TTC28: variants seen among roughly 807,000 people sequenced by gnomAD.
TTC28 encodes the protein tetratricopeptide repeat domain 28, also known as tetratricopeptide repeat protein 28.
Under a neutral mutation model 198.0 loss-of-function variants are expected in TTC28, and 61 were observed. That is an observed-to-expected ratio of 0.31 (90% CI 0.25 to 0.38). The LOEUF (loss-of-function observed/expected upper bound fraction) is 0.38, where lower values mean the gene tolerates loss of function less well. Ranked by LOEUF, TTC28 falls within the 10% of genes least tolerant of loss-of-function variation. The pLI, the probability that TTC28 is intolerant of heterozygous loss-of-function variation, is 1.00. For synonymous variants in TTC28, 1,171 were observed against 1,297.8 expected (o/e 0.90, Z 2.10); for missense variants, 2,678 against 3,164.0 (o/e 0.85, Z 3.69).
At chr22:28,575,095 T>C (rs980354092) in intron 2 of TTC28, among the ~76,000 whole-genome samples, 4 of 152,182 alleles carry the variant, frequency 2.6e-5, no homozygotes, top group African/African-American at 9.6e-5. Context: ...TGAAGAAATA[T>C]TTGCCCACTC....
intron 2 of TTC28, among the ~76,000 whole-genome samples, chr22:28,521,236 C>CA (rs879645384): frequency 5.8e-4 from 82 of 141,088 alleles, no homozygotes; most frequent in South Asian, 3.2e-3. Flanking sequence ...CTATCTCTAC[C>CA]AAAAAAAAAA....
At chr22:28,273,844 G>A (rs1174255910) in intron 5 of TTC28, among the ~76,000 whole-genome samples, 1 of 152,078 alleles carries the variant, frequency 6.6e-6, no homozygotes. Flanking sequence ...AGCAAGAATA[G>A]AGGGAAAAAG....
intron 2 of TTC28, among the ~76,000 whole-genome samples, chr22:28,465,453 G>A (rs1324921869): frequency 6.6e-6 from 1 of 151,994 alleles, no homozygotes; most frequent in African/African-American, 2.4e-5. Context: ...GTGAAACCCC[G>A]TTTCTACTAA....
At chr22:28,285,520 T>C (rs1424406435) in intron 5 of TTC28, among the ~76,000 whole-genome samples, 2 of 152,160 alleles carry the variant, frequency 1.3e-5, no homozygotes, top group East Asian at 1.9e-4. Flanking sequence ...AATACTCTAT[T>C]GTTTACTTAA....
chr22:28,650,245 G>T (rs947052638), intron 1 of TTC28, among the ~76,000 whole-genome samples: 2 of 152,032 alleles, frequency 1.3e-5, no homozygotes, highest in East Asian at 1.9e-4. Context: ...CAGGGGAGAA[G>T]AAAAGGAAAA....
At chr22:28,441,887 TAAAA>T (rs979638590) in intron 2 of TTC28, among the ~76,000 whole-genome samples, 1 of 119,168 alleles carries the variant, frequency 8.4e-6, no homozygotes. Flanking sequence ...ATTTGAAGTT[TAAAA>T]AAAAAAAAAA....
At chr22:28,639,401 A>G (rs977534813) in intron 1 of TTC28, among the ~76,000 whole-genome samples, 3 of 152,232 alleles carry the variant, frequency 2.0e-5, no homozygotes, top group African/African-American at 7.2e-5. Flanking sequence ...TCTTACGCCT[A>G]GAGAGTAGGA....
At position 28,096,237 on chromosome 22, in the gene TTC28, G is replaced by C. The variant is rs1941967643; in HGVS notation, c.3719C>G (p.Ser1240Cys). ...GCTATACAGATAGCCTGCAGCCAGG[G>C]AATAGTAAAGCACTAGTCCCCTCTG... The part of the protein sequence containing the change: ...NGQRGLVLYY[S>C]LAAGYLYSWL... Residue 1240 changes from serine to cysteine, a missense_variant, in exon 11 of 23, where the codon TCC becomes TGC. Coordinates refer to ENST00000397906, the MANE Select transcript of TTC28 (RefSeq NM_001145418.2). The C allele has an allele frequency of 2.6e-6, 4 of 1,551,424 alleles. No individual in the cohort carries two copies. The highest frequency in any genetic ancestry group is 3.5e-6 in the Non-Finnish European group (4 of 1,146,822).
chr22:28,361,052 T>C (rs1486512050), intron 2 of TTC28, among the ~76,000 whole-genome samples: 1 of 152,208 alleles, frequency 6.6e-6, no homozygotes, highest in Non-Finnish European at 1.5e-5. Context: ...CTCTCCTTCT[T>C]CTCAGGCCTC....
intron 12 of TTC28, among the ~76,000 whole-genome samples, chr22:28,081,419 G>C (rs541331177): frequency 2.0e-4 from 31 of 151,442 alleles, no homozygotes; most frequent in African/African-American, 6.8e-4. Flanking sequence ...GATTGCCTTA[G>C]CTATGTGGGG....
At chr22:28,388,961 T>C (rs1341964172) in intron 2 of TTC28, among the ~76,000 whole-genome samples, 14 of 152,150 alleles carry the variant, frequency 9.2e-5, no homozygotes, top group Non-Finnish European at 1.9e-4. Flanking sequence ...CCATTCAGTA[T>C]GATATTGGCT....
At chr22:28,426,797 C>G (rs989302766) in intron 2 of TTC28, among the ~76,000 whole-genome samples, 1 of 152,098 alleles carries the variant, frequency 6.6e-6, no homozygotes, top group Non-Finnish European at 1.5e-5. Flanking sequence ...AAAAGAATAA[C>G]AGTACCCCAT....
chr22:28,245,546 A>T (rs1484912262), intron 5 of TTC28, among the ~76,000 whole-genome samples: 1 of 152,246 alleles, frequency 6.6e-6, no homozygotes, highest in Non-Finnish European at 1.5e-5. Context: ...ACTCCAAAAC[A>T]TCACAAAAGA....
At chr22:28,458,148 T>C (rs1208200918) in intron 2 of TTC28, among the ~76,000 whole-genome samples, 1 of 152,220 alleles carries the variant, frequency 6.6e-6, no homozygotes, top group Non-Finnish European at 1.5e-5. Context: ...GCTGTGTTTT[T>C]ACCTTAATTT....
At chr22:27,991,351 T>A (rs1214349862) in intron 19 of TTC28, among the ~76,000 whole-genome samples, 1 of 152,218 alleles carries the variant, frequency 6.6e-6, no homozygotes, top group African/African-American at 2.4e-5. Context: ...CTAGACCGCC[T>A]GGGTTCAGGA....
At chr22:28,289,056 G>A (rs1017410377) in intron 5 of TTC28, among the ~76,000 whole-genome samples, 12 of 152,122 alleles carry the variant, frequency 7.9e-5, no homozygotes, top group African/African-American at 2.7e-4. Flanking sequence ...CTTAGAGGAG[G>A]GTACTGCAAC....
intron 5 of TTC28, among the ~76,000 whole-genome samples, chr22:28,259,359 A>G (rs1039952140): frequency 1.3e-5 from 2 of 152,162 alleles, no homozygotes; most frequent in African/African-American, 4.8e-5. Context: ...GTGTATACAC[A>G]ATATTAGAAC....
At chr22:28,360,412 T>C (rs2046140291) in intron 2 of TTC28, among the ~76,000 whole-genome samples, 2 of 152,212 alleles carry the variant, frequency 1.3e-5, no homozygotes, top group African/African-American at 4.8e-5. Context: ...CTTGAAACAT[T>C]AATTAGAATA....
chr22:28,186,480 C>T (rs955185419), intron 5 of TTC28, among the ~76,000 whole-genome samples: 1 of 152,080 alleles, frequency 6.6e-6, no homozygotes, highest in African/African-American at 2.4e-5. Context: ...TAAGTTTATT[C>T]CATTCAGGGA....
Sources: gnomAD v4.1 joint callset for allele counts (sites outside exome capture counted in the v4.1 genomes callset) on GRCh38, gnomAD v4.1.1 for gene constraint, MANE v1.5 for transcripts, NCBI Gene and HGNC (gene_info 2026-07-23, HGNC 2026-07-21) for gene names.